Variants in AATK observed in about 807,000 individuals in gnomAD.
AATK encodes the protein serine/threonine-protein kinase LMTK1.
A neutral mutation model predicts 114.3 loss-of-function variants in AATK; 91 were observed. That is an observed-to-expected ratio of 0.80 (90% CI 0.67 to 0.95). The LOEUF (loss-of-function observed/expected upper bound fraction) is 0.95, where lower values mean the gene tolerates loss of function less well. Among genes scored for constraint, AATK ranks in the 40% least tolerant of loss-of-function variants. The pLI is 0.00. For synonymous variants in AATK, 1,075 were observed against 916.5 expected (o/e 1.17, Z -3.12); for missense variants, 2,176 against 1,965.2 (o/e 1.11, Z -2.03).
In AATK at chr17:81,120,424, G is replaced by T. The variant is rs530717750; in HGVS notation, c.3512C>A (p.Ser1171Tyr). The T allele has an allele frequency of 6.5e-5, 103 of 1,584,104 alleles. No homozygotes were observed. The East Asian group carries it at 1.5e-3, about 24-fold the overall frequency. The change falls in exon 11 of 14, where the codon TCT (serine) becomes TAT (tyrosine). Residue 1171 changes from serine to tyrosine, a missense_variant. This residue lies in a region of AATK where 1,701 missense variants were observed against 1,394.7 expected (regional missense o/e 1.22). Transcript: ENST00000326724. The part of the protein sequence containing the change: ...EEEDSEDSDE[S>Y]DEELRCYSVQ... ...GCTGTAGCAGCGGAGCTCCTCGTCA[G>T]ACTCGTCGCTGTCCTCACTGTCCTC...
intron 1 of AATK, among the ~76,000 whole-genome samples, chr17:81,137,904 A>C (rs925235680): frequency 1.3e-4 from 17 of 134,012 alleles, no homozygotes; most frequent in Non-Finnish European, 9.6e-5. Context: ...ACGTGCACAT[A>C]CACACGGGCA....
chr17:81,126,754 G>A lies in AATK; in HGVS notation c.622-194C>T, dbSNP rs981372343. The A allele has an allele frequency of 9.2e-6, 13 of 1,408,210 alleles. No individual in the cohort carries two copies. The highest frequency in any genetic ancestry group is 1.2e-5 in the Non-Finnish European group (13 of 1,083,086). The allele number at this position is 1,408,210 out of a possible 1,614,324, so 87.2% of individuals were successfully genotyped here. ...GGGGGGCCGTGTCCCCCAGGGCTGG[G>A]CTGGACTGAAGGCTTCCTCTCCACT... On this transcript the variant is annotated intron_variant, in intron 6 of 13. Coordinates refer to ENST00000326724, the MANE Select transcript of AATK (RefSeq NM_001080395.3). The surrounding 1 kb of genome is among the most constrained non-coding windows in gnomAD (Gnocchi z 5.1).
chr17:81,145,827 G>A (rs1162281718), intron 1 of AATK, among the ~76,000 whole-genome samples: 2 of 150,990 alleles, frequency 1.3e-5, no homozygotes, highest in Non-Finnish European at 1.5e-5. Flanking sequence ...AAAATATGTC[G>A]AAGAGCTGAT....
chr17:81,144,180 C>T (rs1055428386), intron 1 of AATK, among the ~76,000 whole-genome samples: 1 of 152,252 alleles, frequency 6.6e-6, no homozygotes, highest in Non-Finnish European at 1.5e-5. Flanking sequence ...CCTTTTGTGG[C>T]ACCAACAGCC....
At chr17:81,157,857 C>T (rs765729217) in intron 1 of AATK, among the ~76,000 whole-genome samples, 23 of 152,304 alleles carry the variant, frequency 1.5e-4, no homozygotes, top group Non-Finnish European at 2.8e-4. Context: ...TGTCTCTGCT[C>T]GACGCACACT....
Position 81,120,973 on chromosome 17 carries a change from T to C in AATK, c.2963A>G (p.Glu988Gly), listed in dbSNP as rs1011806552. The stretch of plus-strand genomic sequence containing the variant: ...GGCAGAGTCTCGGTAGGGATTCTTC[T>C]CGTTGAGGCCACTGAGGGAGGTGGA... ...RLSTSLSGLN[E>G]KNPYRDSAYF... Residue 988 changes from glutamate to glycine, a missense_variant, in exon 11 of 14, where the codon GAG (glutamate) becomes GGG (glycine). This residue lies in a region of AATK where 1,701 missense variants were observed against 1,394.7 expected (regional missense o/e 1.22). Coordinates refer to ENST00000326724, the MANE Select transcript of AATK (RefSeq NM_001080395.3). 3.7e-6 allele frequency: 6 copies of C among 1,609,974 alleles called. No individual in the cohort carries two copies. The highest frequency in any genetic ancestry group is 1.7e-5 in the Admixed American group (1 of 59,740).
intron 1 of AATK, among the ~76,000 whole-genome samples, chr17:81,148,797 T>C (rs1462537018): frequency 7.9e-6 from 1 of 125,960 alleles, no homozygotes; most frequent in Non-Finnish European, 1.8e-5. Context: ...GATTCGCATA[T>C]GCACACACTC....
At position 81,134,482 on chromosome 17, in the gene AATK, C is replaced by G. The variant is rs2060981297; in HGVS notation, c.75G>C (p.Glu25Asp). ...HFDPDGAPLSELSWPSSLAVV... is the reference protein window; with the variant it reads ...HFDPDGAPLSDLSWPSSLAVV... ...CGGCGAGGGAGGATGGCCAGGACAGCTCGCTGAGCGGGGCGCCGTCTGCGG... is the reference window on the plus strand; with the variant it reads ...CGGCGAGGGAGGATGGCCAGGACAGGTCGCTGAGCGGGGCGCCGTCTGCGG... The change falls in exon 2 of 14, where the codon GAG becomes GAC. Residue 25 changes from glutamate (E) to aspartate (D), a missense_variant. Glu to Asp is a conservative substitution (Grantham distance 45). Around this residue, in one of 4 missense-constraint regions of AATK, gnomAD observed 178 missense variants for 175.4 expected, o/e 1.01. Coordinates refer to ENST00000326724, the MANE Select transcript of AATK (RefSeq NM_001080395.3). 6.2e-7 allele frequency: 1 copy of G among 1,612,732 alleles called. No individual in the cohort carries two copies. Among genetic ancestry groups the G allele is most frequent in the African/African-American group, 1.3e-5 (1 of 75,066 alleles).
chr17:81,143,470 TGTGTCCACGCAGCCCCTGCCTCCC>T (rs1027802266), intron 1 of AATK, among the ~76,000 whole-genome samples: 29 of 140,200 alleles, frequency 2.1e-4, no homozygotes, highest in African/African-American at 6.2e-4. Flanking sequence ...CCCCACCCCT[TGTGTCCACGCAGCCCCTGCCTCCC>T]GTGTCCACGC....
At position 81,122,480 on chromosome 17, in the gene AATK, C is replaced by G; in HGVS notation, c.1456G>C (p.Gly486Arg). The G allele has an allele frequency of 1.4e-6, 2 of 1,455,304 alleles. No individual in the cohort carries two copies. The highest frequency in any genetic ancestry group is 1.5e-5 in the African/African-American group (1 of 67,246). The allele number at this position is 1,455,304 out of a possible 1,614,324, so 90.1% of individuals were successfully genotyped here. Residue 486 changes from glycine (G) to arginine (R), a missense_variant, in exon 11 of 14, where the codon GGC (glycine) becomes CGC (arginine). Around this residue, in one of 4 missense-constraint regions of AATK, gnomAD observed 1,701 missense variants for 1,394.7 expected, o/e 1.22. Transcript: ENST00000326724. ...NFEYKWEAGR[G>R]AEAFPATLSP... ...AGCGTGGCCGGGAAGGCCTCCGCGC[C>G]GCGGCCCGCCTCCCACTTGTACTCA...
chr17:81,149,330 G>GGT, intron 1 of AATK, among the ~76,000 whole-genome samples: 1 of 151,796 alleles, frequency 6.6e-6, no homozygotes, highest in Admixed American at 6.6e-5. Context: ...CTGCCCTGGA[G>GGT]TTTCCCAACC....
At chr17:81,119,354 C>CTCGCG (rs766060908) in intron 13 of AATK, 26 bp downstream of exon 13, 84 of 1,549,648 alleles carry the variant, frequency 5.4e-5, no homozygotes, top group Admixed American at 4.8e-4. Flanking sequence ...GCGTGCCCTT[C>CTCGCG]TGCCACAGCC....
rs7503604 is a variant in AATK at position 81,121,829 on chromosome 17, C to T, written c.2107G>A (p.Gly703Ser). 3 of 1,588,738 alleles carry T rather than the reference C, an allele frequency of 1.9e-6. No individual in the cohort carries two copies. The highest frequency in any genetic ancestry group is 2.6e-6 in the Non-Finnish European group (3 of 1,174,302). Reference protein sequence around the residue: ...PESWDPVSAGGHAEGCPSPKQ... With the variant: ...PESWDPVSAGSHAEGCPSPKQ... ...GGACTGGGGCAGCCCTCAGCGTGGC[C>T]GCCCGCAGAGACGGGGTCCCAGGAC... The change falls in exon 11 of 14, where the codon GGC (glycine) becomes AGC (serine). Residue 703 changes from glycine (G) to serine (S), a missense_variant. This residue lies in a region of AATK where 1,701 missense variants were observed against 1,394.7 expected (regional missense o/e 1.22). Coordinates refer to ENST00000326724, the MANE Select transcript of AATK (RefSeq NM_001080395.3).
At chr17:81,127,085 G>A (rs2060845193) in intron 6 of AATK, among the ~76,000 whole-genome samples, 1 of 144,036 alleles carries the variant, frequency 6.9e-6, no homozygotes, top group South Asian at 2.3e-4. Flanking sequence ...AGGGGGAGAC[G>A]GGTCCCCGGG....
At chr17:81,141,308 G>A (rs750361024) in intron 1 of AATK, among the ~76,000 whole-genome samples, 2 of 152,152 alleles carry the variant, frequency 1.3e-5, no homozygotes, top group Admixed American at 1.3e-4. Flanking sequence ...AAAACTAGCC[G>A]GGCATGGTGG....
At chr17:81,125,703 C>G (rs1196468183) in intron 7 of AATK, among the ~76,000 whole-genome samples, 4 of 151,956 alleles carry the variant, frequency 2.6e-5, no homozygotes, top group Non-Finnish European at 5.9e-5. Context: ...GTGCTCAGGA[C>G]TCAGGGTGGG....
chr17:81,160,219 C>T, intron 1 of AATK: 1 of 983,486 alleles, frequency 1.0e-6, no homozygotes, highest in Non-Finnish European at 1.2e-6. Context: ...CGCATCCTCC[C>T]AGAAACCCCC....
chr17:81,151,293 CCA>C lies in AATK; in HGVS notation c.55+14643_55+14644del, dbSNP rs1366027763. Among the ~76,000 whole-genome samples, 60 of 148,506 alleles carry C rather than the reference CCA, an allele frequency of 4.0e-4. 2 individuals carry two copies. The highest frequency in any genetic ancestry group is 1.0e-3 in the Admixed American group (15 of 14,922). On this transcript the variant is annotated intron_variant, in intron 1 of 13. Coordinates refer to ENST00000326724, the MANE Select transcript of AATK (RefSeq NM_001080395.3). ...CCAGGCCCAGCCCCACCTGTCTCCC[CCA>C]CCGACCCCTCCTGTCTCCCCCCTCA...
chr17:81,159,548 G>C (rs781252667), intron 1 of AATK, among the ~76,000 whole-genome samples: 1 of 152,142 alleles, frequency 6.6e-6, no homozygotes, highest in Admixed American at 6.5e-5. Context: ...GCCTCACAGC[G>C]GAGCCCAAAC....
Sources: allele counts gnomAD v4.1 joint callset (sites outside exome capture counted in the v4.1 genomes callset), GRCh38; gene constraint gnomAD v4.1.1; regional missense constraint gnomAD v4.1.1; non-coding constraint Gnocchi (gnomAD v3.1); transcripts MANE v1.5; gene names NCBI Gene and HGNC (gene_info 2026-07-23, HGNC 2026-07-21).